The following ZFAND3 variants were observed in gnomAD, a reference collection of about 807,000 sequenced individuals.
ZFAND3 encodes AN1-type zinc finger protein 3.
Under a neutral mutation model 29.6 loss-of-function variants are expected in ZFAND3, and 10 were observed. The observed-to-expected ratio is 0.34, with a 90% confidence interval of 0.21 to 0.57. The LOEUF is 0.57. Ranked by LOEUF, ZFAND3 falls within the 20% of genes least tolerant of loss-of-function variation. The pLI, the probability that ZFAND3 is intolerant of heterozygous loss-of-function variation, is 0.86. For missense variants in ZFAND3, 230 were observed against 304.5 expected, an observed-to-expected ratio of 0.76 and a Z score of 1.82; for synonymous variants, 128 against 112.6, an observed-to-expected ratio of 1.14 and a Z score of -0.87.
chr6:38,010,074 G>A (rs919912693), intron 2 of ZFAND3, among the ~76,000 whole-genome samples: 1 of 152,170 alleles, frequency 6.6e-6, no homozygotes, highest in Admixed American at 6.5e-5. Flanking sequence ...TGACATAAAT[G>A]TGAACTGTAC....
rs76158519 is a variant in ZFAND3, at chr6:37,878,205, T to C, written c.72-51754T>C. Among the ~76,000 whole-genome samples, 2,593 of 152,332 alleles carry C rather than the reference T, an allele frequency of 0.017. 255 individuals are homozygous for C. The East Asian group carries it at 0.28, about 16-fold the overall frequency. ...TTTATGGAGGTTCTCCACACAGTCA[T>C]TAGCTCAGCTTGAGTCACTCCAGGA... On this transcript the variant is annotated intron_variant, in intron 1 of 5. Transcript: ENST00000287218.
chr6:38,029,782 A>G (rs948213448), intron 2 of ZFAND3, among the ~76,000 whole-genome samples: 11 of 152,144 alleles, frequency 7.2e-5, no homozygotes, highest in African/African-American at 2.7e-4. Context: ...GGCAATCCTC[A>G]TGCATTTCCA....
chr6:38,069,845 A>G (rs942801011), intron 3 of ZFAND3, among the ~76,000 whole-genome samples: 2 of 152,228 alleles, frequency 1.3e-5, no homozygotes, highest in Admixed American at 1.3e-4. Context: ...AGTCAAAATA[A>G]GAACCAGATT....
chr6:37,996,048 G>C (rs1261061095), intron 2 of ZFAND3, among the ~76,000 whole-genome samples: 1 of 151,500 alleles, frequency 6.6e-6, no homozygotes, highest in Non-Finnish European at 1.5e-5. Flanking sequence ...AGAATCGCTT[G>C]AACCTGGGAG....
At chr6:38,055,983 A>G (rs1223299966) in intron 2 of ZFAND3, among the ~76,000 whole-genome samples, 1 of 152,210 alleles carries the variant, frequency 6.6e-6, no homozygotes, top group Non-Finnish European at 1.5e-5. Context: ...CTGACAAGTG[A>G]ACGGATGATT....
chr6:37,904,752 A>G (rs1765378931), intron 1 of ZFAND3, among the ~76,000 whole-genome samples: 1 of 152,198 alleles, frequency 6.6e-6, no homozygotes, highest in Non-Finnish European at 1.5e-5. Context: ...CCCTGCTAAT[A>G]ATAAGTATTG....
intron 2 of ZFAND3, among the ~76,000 whole-genome samples, chr6:37,940,005 A>G (rs576567728): frequency 6.6e-6 from 1 of 152,116 alleles, no homozygotes; most frequent in East Asian, 1.9e-4. Flanking sequence ...GTGCCACTGC[A>G]CTCCAGCCTG....
intron 2 of ZFAND3, among the ~76,000 whole-genome samples, chr6:38,049,859 A>T (rs1763983483): frequency 7.0e-6 from 1 of 143,614 alleles, no homozygotes; most frequent in African/African-American, 2.6e-5. Context: ...AAAGAGATTG[A>T]CTCTCCTCGC....
At chr6:38,122,502 G>A (rs765904222) in intron 5 of ZFAND3, among the ~76,000 whole-genome samples, 49 of 152,182 alleles carry the variant, frequency 3.2e-4, no homozygotes, top group Admixed American at 2.6e-3. Flanking sequence ...GATTTAGCCA[G>A]TGGAAGTTAT....
At chr6:37,973,576 C>T (rs1233770668) in intron 2 of ZFAND3, among the ~76,000 whole-genome samples, 1 of 152,142 alleles carries the variant, frequency 6.6e-6, no homozygotes, top group Admixed American at 6.5e-5. Flanking sequence ...CTGCATTTTC[C>T]ATTTTATTTA....
At chr6:38,042,561 G>A in intron 2 of ZFAND3, among the ~76,000 whole-genome samples, 1 of 151,862 alleles carries the variant, frequency 6.6e-6, no homozygotes, top group East Asian at 1.9e-4. Context: ...TGATCCACCT[G>A]CCTCAGCCTC....
chr6:38,092,284 C>T (rs1352299146), intron 4 of ZFAND3, among the ~76,000 whole-genome samples: 2 of 152,184 alleles, frequency 1.3e-5, no homozygotes, highest in African/African-American at 4.8e-5. Context: ...TAAAAGACTG[C>T]TGTGACAGAG....
chr6:38,095,556 C>G (rs1034869224), intron 4 of ZFAND3, among the ~76,000 whole-genome samples: 2 of 152,182 alleles, frequency 1.3e-5, no homozygotes, highest in Non-Finnish European at 2.9e-5. Context: ...GAACTAGATT[C>G]TGTAAGCCCG....
intron 1 of ZFAND3, among the ~76,000 whole-genome samples, chr6:37,822,949 G>T (rs1763693407): frequency 6.6e-6 from 1 of 152,124 alleles, no homozygotes; most frequent in South Asian, 2.1e-4. Context: ...GGAATTGAGA[G>T]GAATTGGTGA....
At chr6:37,906,591 T>C (rs1765411000) in intron 1 of ZFAND3, among the ~76,000 whole-genome samples, 1 of 152,132 alleles carries the variant, frequency 6.6e-6, no homozygotes, top group Non-Finnish European at 1.5e-5. Flanking sequence ...TATGTTTAAC[T>C]TACTGAGGAA....
intron 1 of ZFAND3, among the ~76,000 whole-genome samples, chr6:37,834,144 C>T (rs1299532465): frequency 6.6e-6 from 1 of 152,026 alleles, no homozygotes; most frequent in Non-Finnish European, 1.5e-5. Context: ...CCGTAAAAAC[C>T]CTCTCTGCTC....
chr6:37,820,535 C>T (rs1312060980), intron 1 of ZFAND3, among the ~76,000 whole-genome samples: 2 of 152,236 alleles, frequency 1.3e-5, no homozygotes, highest in Admixed American at 1.3e-4. Context: ...GGAAGCTATT[C>T]ACACGTCACC....
intron 2 of ZFAND3, among the ~76,000 whole-genome samples, chr6:37,965,184 C>A (rs1762270929): frequency 6.6e-6 from 1 of 152,080 alleles, no homozygotes; most frequent in South Asian, 2.1e-4. Flanking sequence ...ATTCAGCAAA[C>A]TTATTCTGTC....
chr6:37,906,815 T>G (rs1765416987), intron 1 of ZFAND3, among the ~76,000 whole-genome samples: 1 of 152,102 alleles, frequency 6.6e-6, no homozygotes, highest in South Asian at 2.1e-4. Flanking sequence ...TTTTGACCAT[T>G]CGTATATCTT....
Sources: allele counts gnomAD v4.1 joint callset (sites outside exome capture counted in the v4.1 genomes callset), GRCh38; gene constraint gnomAD v4.1.1; transcripts MANE v1.5; gene names NCBI Gene and HGNC (gene_info 2026-07-23, HGNC 2026-07-21).